Variants in DONSON observed in about 807,000 individuals in gnomAD.
DONSON encodes DNA replication fork stabilization factor DONSON, also known as protein downstream neighbor of Son.
A neutral mutation model predicts 62.1 loss-of-function variants in DONSON; 43 were observed. The ratio of observed to expected loss-of-function variants is 0.69; its 90% confidence interval spans 0.54 to 0.89. The LOEUF (loss-of-function observed/expected upper bound fraction) is 0.89. DONSON is among the 40% of genes least tolerant of loss of function. DONSON has a pLI of 0.00. For missense variants in DONSON, 696 were observed against 697.5 expected (o/e 1.00, Z 0.03); for synonymous variants, 266 against 264.6 (o/e 1.01, Z -0.05).
At chr21:33,579,039 G>A (rs1213330149) in intron 9 of DONSON, among the ~76,000 whole-genome samples, 1 of 151,870 alleles carries the variant, frequency 6.6e-6, no homozygotes, top group Non-Finnish European at 1.5e-5. Context: ...TTGGGAGGCT[G>A]AGGCAGGAGA....
At chr21:33,583,779 T>C (rs561718405) in intron 4 of DONSON, 113 bp from the exon 5 acceptor site, 2 of 903,712 alleles carry the variant, frequency 2.2e-6, no homozygotes, top group South Asian at 2.1e-5. Context: ...ATATTTTAGA[T>C]AATGGTTTTA....
At position 33,586,151 on chromosome 21, in the gene DONSON, T is replaced by C. The variant is rs1029166032; in HGVS notation, c.433A>G (p.Ile145Val). Residue 145 changes from isoleucine to valine, a missense_variant, in exon 3 of 10, where the codon ATT becomes GTT. Physicochemically the swap from Ile to Val is conservative, Grantham distance 29. Coordinates refer to ENST00000303071, the MANE Select transcript of DONSON (RefSeq NM_017613.4). Reference sequence around the variant, plus strand: ...AACTCAGTACTTTTTGAGGACGGAATATCAGGCTCGGAGAATGATACATGT... The same window carrying C: ...AACTCAGTACTTTTTGAGGACGGAACATCAGGCTCGGAGAATGATACATGT... ...TSHVSFSEPD[I>V]PSSKSTELPV... The C allele has an allele frequency of 6.2e-7, 1 of 1,613,294 alleles. No homozygotes were observed. The highest frequency in any genetic ancestry group is 8.5e-7 in the Non-Finnish European group (1 of 1,179,232).
intron 5 of DONSON, among the ~76,000 whole-genome samples, chr21:33,582,968 G>A (rs779109191): frequency 2.0e-5 from 3 of 151,948 alleles, no homozygotes; most frequent in Admixed American, 1.3e-4. Flanking sequence ...TTGGGAGGCC[G>A]AGGCGGGCGG....
chr21:33,578,391 C>G lies in DONSON; in HGVS notation c.1617G>C (p.Glu539Asp), dbSNP rs1003541624. The change falls in exon 10 of 10, where the codon GAG becomes GAC. Residue 539 changes from glutamate to aspartate, a missense_variant. Physicochemically the swap from Glu to Asp is conservative, Grantham distance 45 (BLOSUM62 2). Coordinates refer to ENST00000303071, the MANE Select transcript of DONSON (RefSeq NM_017613.4). ...TNCGLHPNTL[E>D]QLSQIPLLGK... ...CAAGTAACGGTATTTGACTAAGTTGCTCCAGAGTGTTAGGGTGCAAACCAC... is the reference window on the plus strand; with the variant it reads ...CAAGTAACGGTATTTGACTAAGTTGGTCCAGAGTGTTAGGGTGCAAACCAC... 6.2e-7 allele frequency: 1 copy of G among 1,613,926 alleles called. No homozygotes were observed.
At chr21:33,585,860 G>GT (rs920068195) in intron 3 of DONSON, 118 bp downstream of exon 3, 1 of 964,106 alleles carries the variant, frequency 1.0e-6, no homozygotes, top group African/African-American at 1.6e-5. Flanking sequence ...TCCTGTCTTT[G>GT]TATCTTTAAA....
intron 5 of DONSON, among the ~76,000 whole-genome samples, chr21:33,583,128 G>A (rs2086532975): frequency 6.7e-6 from 1 of 148,170 alleles, no homozygotes; most frequent in Middle Eastern, 3.5e-3. Context: ...CTGAACCCAG[G>A]AGGCGGAGCT....
Position 33,588,612 on chromosome 21 carries a change from C to G in DONSON, c.30G>C (p.Pro10=). The G allele has an allele frequency of 8.0e-7, 1 of 1,247,208 alleles. No individual in the cohort carries two copies. The highest frequency in any genetic ancestry group is 1.0e-6 in the Non-Finnish European group (1 of 994,486). 77.3% of individuals were successfully genotyped at this position (1,247,208 alleles called of 1,614,324 possible). A position where few individuals can be genotyped will look rare whatever the true frequency, so the allele number is the denominator to read the frequency against. Residue 10 remains proline (P), a synonymous_variant, in exon 1 of 10, where the codon CCG becomes CCC. Transcript: ENST00000303071. ...CTACCTCGGGCGGCTTTCGGAAGCC[C>G]GGTGAGTAGCCGGGCACCGAAAGGG... MALSVPGYS[P]GFRKPPEVVR...
intron 8 of DONSON, 22 bp downstream of exon 8, chr21:33,581,280 A>G (rs768183974): frequency 9.3e-6 from 15 of 1,607,126 alleles, no homozygotes; most frequent in African/African-American, 1.3e-5. Context: ...CTTAAAAGCT[A>G]GGTTATGCAG....
At chr21:33,578,496 A>G (rs2086462202) in intron 9 of DONSON, 52 bp from the exon 10 acceptor site, 3 of 1,538,594 alleles carry the variant, frequency 1.9e-6, no homozygotes, top group Non-Finnish European at 2.6e-6. Context: ...CTTTAAACAC[A>G]GAAGAGTTAA....
Position 33,588,384 on chromosome 21 carries a change from T to C in DONSON, c.258A>G (p.Arg86=). 1 of 1,293,122 alleles carries C rather than the reference T, an allele frequency of 7.7e-7. No homozygotes were observed. The highest frequency in any genetic ancestry group is 9.8e-7 in the Non-Finnish European group (1 of 1,025,548). 80.1% of individuals were successfully genotyped at this position (1,293,122 alleles called of 1,614,324 possible). A position where few individuals can be genotyped will look rare whatever the true frequency, so the allele number is the denominator to read the frequency against. The change falls in exon 1 of 10, where the codon CGA becomes CGG. Residue 86 remains arginine (R), a synonymous_variant. Coordinates refer to ENST00000303071, the MANE Select transcript of DONSON (RefSeq NM_017613.4). ...CGGGGGGCTCCGCGGCGACCCGCGGTCGGTTGTCCAGGCGGGCGAAGGGGT... is the reference window on the plus strand; with the variant it reads ...CGGGGGGCTCCGCGGCGACCCGCGGCCGGTTGTCCAGGCGGGCGAAGGGGT... ...RRNPFARLDN[R]PRVAAEPPDG...
intron 4 of DONSON, 55 bp downstream of exon 4, chr21:33,584,535 G>A: frequency 6.9e-7 from 1 of 1,444,804 alleles, no homozygotes; most frequent in Admixed American, 2.1e-5. Context: ...GATAGAGAAT[G>A]CTGCTAAAAT....
At position 33,582,208 on chromosome 21, in the gene DONSON, G is replaced by A; in HGVS notation, c.1003C>T (p.His335Tyr). ...GTTCCAGATGCTGTCTCCTTCTTAT[G>A]GCCACTTTCTTTTATTAAAGGCAGA... is the stretch of plus-strand genomic sequence containing the variant. ...FSLPLIKESG[H>Y]KKETASGTSL... The change falls in exon 6 of 10, where the codon CAT becomes TAT. Residue 335 changes from histidine (H) to tyrosine (Y), a missense_variant. His to Tyr is a moderately conservative substitution (Grantham distance 83). Coordinates refer to ENST00000303071, the MANE Select transcript of DONSON (RefSeq NM_017613.4). The A allele has an allele frequency of 1.2e-6, 2 of 1,613,890 alleles. No individual in the cohort carries two copies. Among genetic ancestry groups the A allele is most frequent in the South Asian group, 1.1e-5 (1 of 91,070 alleles).
rs201817852 is a variant in DONSON, at chr21:33,584,658, T to G, written c.717A>C (p.Arg239Ser). 147 of 1,613,286 alleles carry G rather than the reference T, an allele frequency of 9.1e-5. No homozygotes were observed. Among genetic ancestry groups the G allele is most frequent in the Non-Finnish European group, 1.2e-4 (138 of 1,179,486 alleles). Residue 239 changes from arginine to serine, a missense_variant, in exon 4 of 10, where the codon AGA (arginine) becomes AGC (serine). Transcript: ENST00000303071. The stretch of plus-strand genomic sequence containing the variant: ...AAGGACTTGTCTTTCCAGCCATTTT[T>G]CTATCAGCTCCAATACGAGGGAACA... ...LPLFPRIGAD[R>S]KMAGKTSPWS...
At chr21:33,581,836 T>C (rs1381328149) in intron 7 of DONSON, 115 bp downstream of exon 7, 7 of 939,208 alleles carry the variant, frequency 7.5e-6, no homozygotes, top group Non-Finnish European at 9.7e-6. Flanking sequence ...GAATTAGTTT[T>C]AATATGACCT....
At chr21:33,582,333 T>TC in intron 5 of DONSON, 87 bp from the exon 6 acceptor site, 1 of 1,104,540 alleles carries the variant, frequency 9.1e-7, no homozygotes, top group Non-Finnish European at 1.3e-6. Context: ...AAATTTGAAA[T>TC]GTTAGTTTTT....
chr21:33,584,527 T>TA (rs2086556570), intron 4 of DONSON, 63 bp downstream of exon 4: 1 of 1,434,136 alleles, frequency 7.0e-7, no homozygotes. Context: ...ACAAATATGA[T>TA]AGAGAATGCT....
rs1035552737 is a variant in DONSON at position 33,579,515 on chromosome 21, G to T, written c.1398C>A (p.Asp466Glu). ...VKTQALSGYRDQFSLEITGPI... is the reference protein window; with the variant it reads ...VKTQALSGYREQFSLEITGPI... ...GACCTGTAATCTCCAAACTAAATTG[G>T]TCTCTGTATCCAGAAAGAGCTTGTG... Residue 466 changes from aspartate to glutamate, a missense_variant, in exon 9 of 10, where the codon GAC (aspartate) becomes GAA (glutamate). Coordinates refer to ENST00000303071, the MANE Select transcript of DONSON (RefSeq NM_017613.4). 6.2e-7 allele frequency: 1 copy of T among 1,614,190 alleles called. No homozygotes were observed. Among genetic ancestry groups the T allele is most frequent in the Admixed American group, 1.7e-5 (1 of 60,024 alleles).
chr21:33,579,159 T>C (rs2086474911), intron 9 of DONSON, among the ~76,000 whole-genome samples, 191 bp downstream of exon 9: 1 of 152,044 alleles, frequency 6.6e-6, no homozygotes, highest in Non-Finnish European at 1.5e-5. Context: ...AAATTGTACT[T>C]GGACTGAATT....
At chr21:33,580,787 CAGA>C (rs1443945124) in intron 8 of DONSON, among the ~76,000 whole-genome samples, 1 of 152,052 alleles carries the variant, frequency 6.6e-6, no homozygotes, top group Non-Finnish European at 1.5e-5. Flanking sequence ...GAGGCTGAGG[CAGA>C]AGAATCGCTT....
Sources: allele counts gnomAD v4.1 joint callset (sites outside exome capture counted in the v4.1 genomes callset), GRCh38; gene constraint gnomAD v4.1.1; transcripts MANE v1.5; gene names NCBI Gene and HGNC (gene_info 2026-07-23, HGNC 2026-07-21).